IKBKB-DT: variants seen among roughly 807,000 people sequenced by gnomAD.
IKBKB-DT encodes the protein IKBKB antisense RNA.
chr8:42,252,143 T>C (rs781691416), intron 3 of IKBKB-DT, among the ~76,000 whole-genome samples: 1 of 152,206 alleles, frequency 6.6e-6, no homozygotes, highest in Non-Finnish European at 1.5e-5. Flanking sequence ...GCAGGTGACA[T>C]GGCACTGGCC....
At chr8:42,242,201 C>A (rs944076471) in intron 3 of IKBKB-DT, among the ~76,000 whole-genome samples, 1 of 151,716 alleles carries the variant, frequency 6.6e-6, no homozygotes, top group East Asian at 1.9e-4. Flanking sequence ...GGTGACAAAG[C>A]AAGACTCCAT....
chr8:42,247,534 T>C (rs969785207), intron 3 of IKBKB-DT, among the ~76,000 whole-genome samples: 1 of 152,042 alleles, frequency 6.6e-6, no homozygotes, highest in Non-Finnish European at 1.5e-5. Flanking sequence ...AGGGAAGACA[T>C]GATTGGTTTT....
chr8:42,255,389 T>C (rs1807185632), intron 3 of IKBKB-DT: 1 of 152,230 alleles, frequency 6.6e-6, no homozygotes, highest in South Asian at 2.1e-4. Context: ...CTCTCAAGAA[T>C]ACAAAGAGAA....
At chr8:42,255,670 A>G (rs1807189877) in intron 3 of IKBKB-DT, among the ~76,000 whole-genome samples, 1 of 152,182 alleles carries the variant, frequency 6.6e-6, no homozygotes, top group Non-Finnish European at 1.5e-5. Context: ...TTAGCAATAT[A>G]ATCAAGGTTT....
intron 3 of IKBKB-DT, among the ~76,000 whole-genome samples, chr8:42,256,771 C>T (rs1807208003): frequency 6.6e-6 from 1 of 152,060 alleles, no homozygotes; most frequent in South Asian, 2.1e-4. Flanking sequence ...CTCCATGAAT[C>T]TCCTTAAATA....
chr8:42,241,179 T>C (rs1215965223), intron 3 of IKBKB-DT, among the ~76,000 whole-genome samples: 6 of 148,926 alleles, frequency 4.0e-5, no homozygotes, highest in Non-Finnish European at 7.4e-5. Flanking sequence ...ATTAAGAAGC[T>C]ACTGGTTTAT....
At chr8:42,258,263 T>G (rs1347241283) in intron 3 of IKBKB-DT, among the ~76,000 whole-genome samples, 1 of 152,154 alleles carries the variant, frequency 6.6e-6, no homozygotes, top group Non-Finnish European at 1.5e-5. Flanking sequence ...GCCAACTTAA[T>G]CACACAAGAT....
chr8:42,241,222 ATCTTTTTTTTTTTTTTTTTTTTTTTT>A (rs1806998436), intron 3 of IKBKB-DT, among the ~76,000 whole-genome samples: 2 of 66,604 alleles, frequency 3.0e-5, no homozygotes, highest in South Asian at 9.6e-4. Context: ...ATATGTTGGA[ATCTTTTTTTTTTTTTTTTTTTTTTTT>A]TTTTTTTTTT....
chr8:42,234,629 CTATTT>C (rs1208187558), intron 3 of IKBKB-DT, among the ~76,000 whole-genome samples: 1 of 151,878 alleles, frequency 6.6e-6, no homozygotes, highest in Non-Finnish European at 1.5e-5. Flanking sequence ...TTATTTTATT[CTATTT>C]TATTTTATAT....
chr8:42,254,330 C>A (rs1159336278), intron 3 of IKBKB-DT, among the ~76,000 whole-genome samples: 1 of 152,244 alleles, frequency 6.6e-6, no homozygotes, highest in Non-Finnish European at 1.5e-5. Context: ...TTTATACTTG[C>A]CCTGATTAAG....
intron 3 of IKBKB-DT, among the ~76,000 whole-genome samples, chr8:42,244,584 C>G (rs1807040658): frequency 6.6e-6 from 1 of 152,176 alleles, no homozygotes; most frequent in South Asian, 2.1e-4. Context: ...GGATCTTGCT[C>G]TATCACCAAG....
At chr8:42,252,469 C>G (rs943342474) in intron 3 of IKBKB-DT, among the ~76,000 whole-genome samples, 7 of 152,190 alleles carry the variant, frequency 4.6e-5, no homozygotes, top group Admixed American at 2.0e-4. Context: ...GGTATTACCC[C>G]AGATGAGCAA....
intron 3 of IKBKB-DT, among the ~76,000 whole-genome samples, chr8:42,246,213 A>T (rs1807061423): frequency 6.6e-6 from 1 of 152,040 alleles, no homozygotes; most frequent in Non-Finnish European, 1.5e-5. Context: ...ATTTTTGTAG[A>T]GTCAGGGTCT....
intron 3 of IKBKB-DT, among the ~76,000 whole-genome samples, chr8:42,246,196 C>T (rs1015210705): frequency 6.6e-6 from 1 of 152,030 alleles, no homozygotes; most frequent in Non-Finnish European, 1.5e-5. Context: ...GCCACCATGC[C>T]GGGCTAATTT....
At chr8:42,234,885 C>T (rs887061833) in intron 3 of IKBKB-DT, among the ~76,000 whole-genome samples, 6 of 152,188 alleles carry the variant, frequency 3.9e-5, no homozygotes, top group Non-Finnish European at 7.3e-5. Flanking sequence ...CCGCCTTGGC[C>T]TCCCAAAGTG....
rs191633738 is a variant in IKBKB-DT at position 42,264,853 on chromosome 8, C to T, written n.1385+762G>A. On this transcript the variant is annotated intron_variant and non_coding_transcript_variant, in intron 2 of 3. Coordinates refer to ENST00000518213, the Ensembl canonical transcript of IKBKB-DT. The stretch of plus-strand genomic sequence containing the variant: ...GGATTACAGGTGTGAGCCACCATGC[C>T]GGGCCTTAAACATTTTTTTTTTTTT... Among the ~76,000 whole-genome samples the T allele has an allele frequency of 2.3e-3, 342 of 149,996 alleles. 9 individuals are homozygous for T. The highest frequency in any genetic ancestry group is 0.021 in the Admixed American group (310 of 15,016).
At chr8:42,240,073 G>A (rs1046943145) in intron 3 of IKBKB-DT, among the ~76,000 whole-genome samples, 12 of 152,010 alleles carry the variant, frequency 7.9e-5, no homozygotes, top group African/African-American at 9.7e-5. Context: ...TCATTTGCAC[G>A]TTAACAGAAT....
intron 3 of IKBKB-DT, among the ~76,000 whole-genome samples, chr8:42,253,686 CA>C (rs1466188585): frequency 1.3e-5 from 2 of 152,160 alleles, no homozygotes; most frequent in Non-Finnish European, 2.9e-5. Flanking sequence ...AGCACTTGAA[CA>C]TAAATTTAAT....
chr8:42,265,698 C>T (rs1172039964), exon 2 of IKBKB-DT: 3 of 152,254 alleles, frequency 2.0e-5, no homozygotes, highest in African/African-American at 7.2e-5. Flanking sequence ...CCTTTCATGA[C>T]TTCTTCCTCT....
Sources: allele counts gnomAD v4.1 joint callset (sites outside exome capture counted in the v4.1 genomes callset), GRCh38; gene constraint gnomAD v4.1.1; transcripts MANE v1.5; gene names NCBI Gene and HGNC (gene_info 2026-07-23, HGNC 2026-07-21).